Variants in RASEF observed in about 807,000 individuals in gnomAD.
RASEF encodes the protein RAS and EF-hand domain containing.
Under a neutral mutation model 90.1 loss-of-function variants are expected in RASEF, and 68 were observed. The ratio of observed to expected loss-of-function variants is 0.75; its 90% CI spans 0.62 to 0.92. The LOEUF (loss-of-function observed/expected upper bound fraction) is 0.92. Among genes scored for constraint, RASEF ranks in the 40% least tolerant of loss-of-function variants. The probability of loss-of-function intolerance (pLI) is 0.00; values close to 1 mark genes in which losing one functional copy is unlikely to be tolerated. For synonymous variants in RASEF, 331 were observed against 345.2 expected (o/e 0.96, Z 0.46); for missense variants, 949 against 937.2 (o/e 1.01, Z -0.16).
rs956676720 is a variant in RASEF at position 82,998,544 on chromosome 9, C to T, written c.1724-98G>A. ...AGATGAAGCAAAAGCCAATAATACA[C>T]AGCTCAGCCAGGGAGGGAGGAATGA... On this transcript the variant is annotated intron_variant, in intron 12 of 16. Transcript: ENST00000376447. 1.2e-5 allele frequency: 9 copies of T among 753,548 alleles called. No individual in the cohort carries two copies. The African/African-American group carries it at 1.5e-4, about 13-fold the overall frequency. The allele number at this position is 753,548 out of a possible 1,614,324, so 46.7% of individuals were successfully genotyped here.
At chr9:83,209,605 C>T in the RASEF span, among the ~76,000 whole-genome samples, 448 of 152,240 alleles carry the variant, frequency 2.9e-3, 3 homozygotes, top group African/African-American at 0.01. Flanking sequence ...CTAAAAAATG[C>T]CTGAATAATA....
chr9:83,055,208 G>C (rs1229307186), intron 1 of RASEF: 2 of 229,438 alleles, frequency 8.7e-6, no homozygotes, highest in South Asian at 1.1e-4. Flanking sequence ...TTCCGTGGGC[G>C]TAGGACCCTC....
the RASEF span, among the ~76,000 whole-genome samples, chr9:83,206,402 C>CT: frequency 6.6e-6 from 1 of 152,184 alleles, no homozygotes; most frequent in South Asian, 2.1e-4. Context: ...GCATAAAATA[C>CT]TTATTTCCAT....
At chr9:83,162,293 T>C in the RASEF span, among the ~76,000 whole-genome samples, 1 of 152,142 alleles carries the variant, frequency 6.6e-6, no homozygotes, top group Admixed American at 6.5e-5. Flanking sequence ...TTGAAGAAGA[T>C]AACAGAAACT....
In RASEF at chr9:82,997,200, T is replaced by C; in HGVS notation, c.1806-74A>G. 3.2e-6 allele frequency: 3 copies of C among 931,412 alleles called. No homozygotes were observed. In the East Asian group the frequency reaches 7.3e-5, roughly 23 times the overall value. The allele number at this position is 931,412 out of a possible 1,614,324, so 57.7% of individuals were successfully genotyped here. A position where few individuals can be genotyped will look rare whatever the true frequency, so the allele number is the denominator to read the frequency against. On this transcript the variant is annotated intron_variant, in intron 13 of 16. Transcript: ENST00000376447. ...TTCTTCTCTTTTATGCTCATTTTTTTCTCCTCTTCTAAAATCAACACCAGT... is the reference window on the plus strand; with the variant it reads ...TTCTTCTCTTTTATGCTCATTTTTTCCTCCTCTTCTAAAATCAACACCAGT...
chr9:83,063,050 T>C lies in RASEF; in HGVS notation c.-183A>G. 1 of 623,670 alleles carries C rather than the reference T, an allele frequency of 1.6e-6. No individual in the cohort carries two copies. Among genetic ancestry groups the C allele is most frequent in the Non-Finnish European group, 2.5e-6 (1 of 398,056 alleles). The allele number at this position is 623,670 out of a possible 1,614,324, so 38.6% of individuals were successfully genotyped here. Reference sequence around the variant, plus strand: ...CGTCGGGGGTGGCCGAGCGGCTCCCTTCGACGACGGTTCGGGCCAGCCCCC... The same window carrying C: ...CGTCGGGGGTGGCCGAGCGGCTCCCCTCGACGACGGTTCGGGCCAGCCCCC... On this transcript the variant is annotated 5_prime_UTR_variant, in exon 1 of 17. Coordinates refer to ENST00000376447, the MANE Select transcript of RASEF (RefSeq NM_152573.4).
chr9:83,073,066 T>C, the RASEF span, among the ~76,000 whole-genome samples: 369 of 152,294 alleles, frequency 2.4e-3, 3 homozygotes, highest in South Asian at 3.9e-3. Context: ...TTGTGGCACG[T>C]TTCTCTCCAT....
the RASEF span, among the ~76,000 whole-genome samples, chr9:83,157,452 T>C: frequency 6.6e-6 from 1 of 152,218 alleles, no homozygotes; most frequent in Admixed American, 6.5e-5. Flanking sequence ...GTCTCTCTTG[T>C]TCTTGCCTTC....
the RASEF span, among the ~76,000 whole-genome samples, chr9:83,200,402 C>CA: frequency 9.9e-5 from 15 of 151,830 alleles, no homozygotes; most frequent in Non-Finnish European, 2.1e-4. Context: ...TCTCAAAAAA[C>CA]AAAAAAATCC....
chr9:83,099,431 T>C, the RASEF span, among the ~76,000 whole-genome samples: 2 of 152,222 alleles, frequency 1.3e-5, no homozygotes, highest in Admixed American at 6.5e-5. Flanking sequence ...CCATACCGTG[T>C]TACGCTAAGT....
At chr9:83,206,400 T>C in the RASEF span, among the ~76,000 whole-genome samples, 1 of 152,234 alleles carries the variant, frequency 6.6e-6, no homozygotes, top group African/African-American at 2.4e-5. Context: ...AGGCATAAAA[T>C]ACTTATTTCC....
the RASEF span, among the ~76,000 whole-genome samples, chr9:83,129,171 C>T: frequency 6.6e-6 from 1 of 151,998 alleles, no homozygotes; most frequent in South Asian, 2.1e-4. Context: ...CTTTGGGAGG[C>T]TGAGGTGGGC....
the RASEF span, among the ~76,000 whole-genome samples, chr9:83,084,028 A>G: frequency 9.9e-5 from 15 of 152,248 alleles, no homozygotes; most frequent in Middle Eastern, 3.4e-3. Context: ...TTATATTCAT[A>G]TAATGGAATA....
At chr9:83,188,473 G>A in the RASEF span, among the ~76,000 whole-genome samples, 17 of 152,210 alleles carry the variant, frequency 1.1e-4, no homozygotes, top group African/African-American at 3.1e-4. Context: ...AGCTCCTTGC[G>A]CAACAGAAGG....
the RASEF span, among the ~76,000 whole-genome samples, chr9:83,085,210 C>G: frequency 6.6e-6 from 1 of 152,282 alleles, no homozygotes; most frequent in Non-Finnish European, 1.5e-5. Context: ...ACCTAGAAGC[C>G]AGGAGGCCAT....
upstream of RASEF, among the ~76,000 whole-genome samples, chr9:83,063,817 G>C (rs191668669): frequency 3.3e-5 from 5 of 151,908 alleles, no homozygotes; most frequent in Non-Finnish European, 7.4e-5. Flanking sequence ...CACTTTTTTC[G>C]ACAATACTAT....
chr9:83,019,880 C>A (rs914032816), intron 3 of RASEF, among the ~76,000 whole-genome samples: 1 of 151,948 alleles, frequency 6.6e-6, no homozygotes, highest in Non-Finnish European at 1.5e-5. Flanking sequence ...TAATCTACAG[C>A]GACAGAAAAT....
At chr9:83,124,125 T>C in the RASEF span, among the ~76,000 whole-genome samples, 1 of 152,222 alleles carries the variant, frequency 6.6e-6, no homozygotes, top group Non-Finnish European at 1.5e-5. Context: ...TGTGTTCGAA[T>C]TTCCGTACTT....
the RASEF span, among the ~76,000 whole-genome samples, chr9:83,218,712 G>T: frequency 6.6e-6 from 1 of 152,206 alleles, no homozygotes; most frequent in Non-Finnish European, 1.5e-5. Context: ...GTTTCTGAGA[G>T]CACCGCCCTT....
Sources: gnomAD v4.1 joint callset for allele counts (sites outside exome capture counted in the v4.1 genomes callset) on GRCh38, gnomAD v4.1.1 for gene constraint, MANE v1.5 for transcripts, NCBI Gene and HGNC (gene_info 2026-07-23, HGNC 2026-07-21) for gene names.